The following ZDHHC18 variants were observed in gnomAD, a reference collection of about 807,000 sequenced individuals.
ZDHHC18 encodes palmitoyltransferase ZDHHC18.
A neutral mutation model predicts 37.5 loss-of-function variants in ZDHHC18; 23 were observed. The observed-to-expected ratio is 0.61, with a 90% CI of 0.44 to 0.87. ZDHHC18 has a LOEUF of 0.87. ZDHHC18 is among the 40% of genes least tolerant of loss of function. The probability of loss-of-function intolerance (pLI) is 0.00; values close to 1 mark genes in which losing one functional copy is unlikely to be tolerated. For synonymous variants in ZDHHC18, 185 were observed against 218.7 expected, an observed-to-expected ratio of 0.85 and a Z score of 1.36; for missense variants, 406 against 525.6, an observed-to-expected ratio of 0.77 and a Z score of 2.22.
chr1:26,841,875 C>T (rs2081640626), intron 2 of ZDHHC18, among the ~76,000 whole-genome samples: 1 of 152,080 alleles, frequency 6.6e-6, no homozygotes, highest in Non-Finnish European at 1.5e-5. Flanking sequence ...GTGGCTCACG[C>T]CTGTAATCCC....
chr1:26,844,913 G>GT lies in ZDHHC18; in HGVS notation c.497-3684dup, dbSNP rs969579363. 1.4e-3 allele frequency among the ~76,000 whole-genome samples: 198 copies of GT among 139,944 alleles called. 2 individuals are homozygous for GT. Among genetic ancestry groups the GT allele is most frequent in the African/African-American group, 1.8e-3 (70 of 38,170 alleles). The allele number at this position is 139,944 out of a possible 152,430, so 91.8% of individuals were successfully genotyped here. A position where few individuals can be genotyped will look rare whatever the true frequency, so the allele number is the denominator to read the frequency against. Reference sequence around the variant, plus strand: ...CTGACTTACAGGATTTCTTTACATGGTTTTTTTTTTTGGTTTTTTTTTTTT... The same window carrying GT: ...CTGACTTACAGGATTTCTTTACATGGTTTTTTTTTTTTGGTTTTTTTTTTTT... On this transcript the variant is annotated intron_variant, in intron 2 of 7. Transcript: ENST00000374142.
At chr1:26,840,975 A>G (rs1029235547) in intron 2 of ZDHHC18, among the ~76,000 whole-genome samples, 7 of 134,590 alleles carry the variant, frequency 5.2e-5, no homozygotes, top group African/African-American at 2.0e-4. Flanking sequence ...ACATACAGCT[A>G]ATTTTTTGGG....
intron 1 of ZDHHC18, among the ~76,000 whole-genome samples, chr1:26,831,521 G>T (rs1338081552): frequency 6.6e-6 from 1 of 152,174 alleles, no homozygotes; most frequent in Non-Finnish European, 1.5e-5. Flanking sequence ...GGACAGTGAG[G>T]TGACAACAGA....
intron 2 of ZDHHC18, among the ~76,000 whole-genome samples, chr1:26,846,290 G>GTATATATATATA (rs1557644428): frequency 2.1e-5 from 1 of 47,862 alleles, no homozygotes; most frequent in Non-Finnish European, 3.4e-5. Context: ...GTGTGTGTGT[G>GTATATATATATA]TATATATATA....
intron 2 of ZDHHC18, 78 bp from the exon 3 acceptor site, chr1:26,848,530 C>G (rs1217961846): frequency 1.9e-6 from 3 of 1,556,310 alleles, no homozygotes; most frequent in Non-Finnish European, 2.6e-6. Flanking sequence ...GGCCAGGCAG[C>G]AGTAGCTTTC....
At chr1:26,843,072 G>T (rs2124259186) in intron 2 of ZDHHC18, among the ~76,000 whole-genome samples, 1 of 152,156 alleles carries the variant, frequency 6.6e-6, no homozygotes, top group Middle Eastern at 3.4e-3. Context: ...TTAGAGTCCT[G>T]CTCTGCCGAT....
At chr1:26,832,077 G>A (rs965708463) in intron 1 of ZDHHC18, 5 of 179,002 alleles carry the variant, frequency 2.8e-5, no homozygotes, top group African/African-American at 1.2e-4. Flanking sequence ...GACTGAGTGA[G>A]TGAATGAATG....
In ZDHHC18 at chr1:26,848,588, T is replaced by C; in HGVS notation, c.497-20T>C. ...GGGCTGCCTTGGGCATTCCCCATCT[T>C]TCTCTCCTCCTTCCCTCAGACAACA... On this transcript the variant is annotated intron_variant, in intron 2 of 7. Transcript: ENST00000374142. 1 of 1,601,460 alleles carries C rather than the reference T, an allele frequency of 6.2e-7. No individual in the cohort carries two copies. The highest frequency in any genetic ancestry group is 1.1e-5 in the South Asian group (1 of 90,844).
At chr1:26,844,779 G>A (rs1425655045) in intron 2 of ZDHHC18, among the ~76,000 whole-genome samples, 4 of 152,112 alleles carry the variant, frequency 2.6e-5, no homozygotes, top group South Asian at 2.1e-4. Context: ...GCTGACTAAT[G>A]AATATAAGCA....
At chr1:26,836,391 G>A (rs1174869797) in intron 2 of ZDHHC18, among the ~76,000 whole-genome samples, 1 of 151,742 alleles carries the variant, frequency 6.6e-6, no homozygotes, top group Non-Finnish European at 1.5e-5. Context: ...CCCTTCAATT[G>A]TAGTTATCTC....
chr1:26,832,640 T>A, intron 2 of ZDHHC18, 33 bp downstream of exon 2: 1 of 1,606,712 alleles, frequency 6.2e-7, no homozygotes, highest in African/African-American at 1.3e-5. Context: ...AAGCTGGGTC[T>A]CCATAGCTCC....
At position 26,850,754 on chromosome 1, in the gene ZDHHC18, C is replaced by T. The variant is rs1450596669; in HGVS notation, c.833+148C>T. ...CAACATGCCAGCTCTTCTGTTCACA[C>T]CCAGGCAAGAGCTGATCCTAAATGG... On this transcript the variant is annotated intron_variant, in intron 5 of 7. Coordinates refer to ENST00000374142, the MANE Select transcript of ZDHHC18 (RefSeq NM_032283.3). This position sits in a 1 kb window ranked among gnomAD's most constrained non-coding sequence, Gnocchi z 6.1. 1 of 998,540 alleles carries T rather than the reference C, an allele frequency of 1.0e-6. No individual in the cohort carries two copies. Among genetic ancestry groups the T allele is most frequent in the East Asian group, 2.6e-5 (1 of 38,376 alleles). 61.9% of individuals were successfully genotyped at this position (998,540 alleles called of 1,614,324 possible). A position where few individuals can be genotyped will look rare whatever the true frequency, so the allele number is the denominator to read the frequency against.
At chr1:26,836,554 CT>C (rs113059850) in intron 2 of ZDHHC18, among the ~76,000 whole-genome samples, 25,220 of 149,044 alleles carry the variant, frequency 0.17, 2,292 homozygotes, top group African/African-American at 0.23. Context: ...ACCTTCATTT[CT>C]TTTTTTTTCT....
At position 26,827,120 on chromosome 1, in the gene ZDHHC18, G is replaced by A; in HGVS notation, c.316G>A (p.Gly106Ser). The change falls in exon 1 of 8, where the codon GGC becomes AGC. Residue 106 changes from glycine to serine, a missense_variant. Gly to Ser is a moderately conservative substitution (Grantham distance 56). Transcript: ENST00000374142. ...LTLLLILTTT[G>S]LFFVFDCPYL... ...GCTGCTGCTCATCCTCACCACCACCGGCCTCTTCTTCGTCTTTGAGTGAGT... is the reference window on the plus strand; with the variant it reads ...GCTGCTGCTCATCCTCACCACCACCAGCCTCTTCTTCGTCTTTGAGTGAGT... 1 of 1,412,374 alleles carries A rather than the reference G, an allele frequency of 7.1e-7. No homozygotes were observed. Among genetic ancestry groups the A allele is most frequent in the African/African-American group, 1.5e-5 (1 of 66,986 alleles). The allele number at this position is 1,412,374 out of a possible 1,614,324, so 87.5% of individuals were successfully genotyped here. A position where few individuals can be genotyped will look rare whatever the true frequency, so the allele number is the denominator to read the frequency against.
chr1:26,830,705 A>C (rs1480854261), intron 1 of ZDHHC18, among the ~76,000 whole-genome samples: 2 of 152,172 alleles, frequency 1.3e-5, no homozygotes, highest in Non-Finnish European at 2.9e-5. Context: ...GTGTGCTGGA[A>C]ATATAAAGCT....
At chr1:26,851,252 C>T in intron 6 of ZDHHC18, 21 bp downstream of exon 6, 3 of 1,610,718 alleles carry the variant, frequency 1.9e-6, no homozygotes, top group South Asian at 1.1e-5. Context: ...CTGGAGCCAC[C>T]CCTCATTCTA....
intron 6 of ZDHHC18, among the ~76,000 whole-genome samples, chr1:26,851,441 G>A (rs2081703707): frequency 6.6e-6 from 1 of 152,216 alleles, no homozygotes; most frequent in African/African-American, 2.4e-5. Flanking sequence ...CATTCTCTCA[G>A]TGCAGGCTCC....
At chr1:26,853,071 A>C in intron 7 of ZDHHC18, 1 of 519,796 alleles carries the variant, frequency 1.9e-6, no homozygotes, top group Non-Finnish European at 3.4e-6. Flanking sequence ...TAAGTACAAA[A>C]CGTAAAACAG....
At chr1:26,846,198 A>G (rs988718499) in intron 2 of ZDHHC18, among the ~76,000 whole-genome samples, 3 of 116,830 alleles carry the variant, frequency 2.6e-5, no homozygotes, top group Admixed American at 1.9e-4. Context: ...ATATACATAC[A>G]TATATACACG....
Sources: allele counts gnomAD v4.1 joint callset (sites outside exome capture counted in the v4.1 genomes callset), GRCh38; gene constraint gnomAD v4.1.1; non-coding constraint Gnocchi (gnomAD v3.1); transcripts MANE v1.5; gene names NCBI Gene and HGNC (gene_info 2026-07-23, HGNC 2026-07-21).